The following BCAS3 variants were observed in gnomAD, a reference collection of about 807,000 sequenced individuals.
BCAS3 encodes BCAS4/BCAS3 fusion.
A neutral mutation model predicts 116.1 loss-of-function variants in BCAS3; 53 were observed. The observed-to-expected ratio is 0.46, with a 90% CI of 0.37 to 0.57. BCAS3 has a LOEUF of 0.57. BCAS3 is among the 20% of genes least tolerant of loss of function. The pLI is 0.00. For synonymous variants in BCAS3, 391 were observed against 408.2 expected, an observed-to-expected ratio of 0.96 and a Z score of 0.51; for missense variants, 917 against 1,165.4, an observed-to-expected ratio of 0.79 and a Z score of 3.10.
intron 14 of BCAS3, among the ~76,000 whole-genome samples, chr17:60,986,039 G>A (rs2145417223): frequency 6.6e-6 from 1 of 152,268 alleles, no homozygotes; most frequent in East Asian, 1.9e-4. Flanking sequence ...GCCTGGCCAA[G>A]TTCCTTGTTT....
chr17:61,246,591 C>T (rs916496956), intron 22 of BCAS3, among the ~76,000 whole-genome samples: 1 of 150,684 alleles, frequency 6.6e-6, no homozygotes, highest in African/African-American at 2.4e-5. Flanking sequence ...TAGGTGTAGG[C>T]TAGGGGTGGC....
intron 22 of BCAS3, among the ~76,000 whole-genome samples, chr17:61,218,033 A>G (rs770750135): frequency 6.6e-6 from 1 of 152,184 alleles, no homozygotes; most frequent in Non-Finnish European, 1.5e-5. Context: ...CAGTATTGCT[A>G]TGTTTACCAT....
chr17:61,074,920 T>C lies in BCAS3; in HGVS notation c.2030T>C (p.Leu677Pro), dbSNP rs778662714. 2 of 1,607,118 alleles carry C rather than the reference T, an allele frequency of 1.2e-6. No homozygotes were observed. Among genetic ancestry groups the C allele is most frequent in the Non-Finnish European group, 1.7e-6 (2 of 1,174,460 alleles). ...VQYYQFLLAG[L>P]VPPGSPGPIT... ...TAAATCTATTTTCTTTCTCCTATAG[T>C]GGTTCCCCCTGGAAGTCCTGGGCCC... The change falls in exon 20 of 24, where the codon CTG becomes CCG. Residue 677 changes from leucine (L) to proline (P), a missense_variant and splice_region_variant. Leu to Pro is a moderately conservative substitution (Grantham distance 98, BLOSUM62 -3). Around this residue, in one of 3 missense-constraint regions of BCAS3, gnomAD observed 807 missense variants for 1,026.0 expected, o/e 0.79. Transcript: ENST00000407086.
In BCAS3 at chr17:61,347,989, G is replaced by A. The variant is rs1042610799; in HGVS notation, c.2426-20338G>A. ...AATCCTGAGGGCAGATGAGTAAAAT[G>A]TTCAGATTCACATTGTAGAAAAGGT... On this transcript the variant is annotated intron_variant, in intron 22 of 23. Transcript: ENST00000407086. The surrounding 1 kb of genome is among the most constrained non-coding windows in gnomAD (Gnocchi z 4.3). 6.6e-6 allele frequency among the ~76,000 whole-genome samples: 1 copy of A among 152,210 alleles called. No homozygotes were observed. The highest frequency in any genetic ancestry group is 1.5e-5 in the Non-Finnish European group (1 of 68,038).
intron 4 of BCAS3, among the ~76,000 whole-genome samples, chr17:60,699,306 C>T (rs2036071419): frequency 6.6e-6 from 1 of 152,136 alleles, no homozygotes; most frequent in Non-Finnish European, 1.5e-5. Flanking sequence ...CATCCGCCTC[C>T]TGGGTTCAAG....
chr17:61,119,947 C>G (rs775918997), intron 22 of BCAS3, among the ~76,000 whole-genome samples: 19 of 151,750 alleles, frequency 1.3e-4, no homozygotes, highest in Non-Finnish European at 1.9e-4. Flanking sequence ...GATATAGAAC[C>G]TATGTAAAGA....
intron 10 of BCAS3, among the ~76,000 whole-genome samples, chr17:60,902,341 A>C (rs1192523367): frequency 6.6e-6 from 1 of 152,238 alleles, no homozygotes; most frequent in African/African-American, 2.4e-5. Flanking sequence ...ACCAGACCCC[A>C]ATCCTACCAT....
intron 22 of BCAS3, among the ~76,000 whole-genome samples, chr17:61,252,256 C>G (rs186667981): frequency 6.6e-6 from 1 of 152,088 alleles, no homozygotes; most frequent in African/African-American, 2.4e-5. Flanking sequence ...TTTTTAAGAG[C>G]GCTTGTAAAG....
At position 61,388,678 on chromosome 17, in the gene BCAS3, G is replaced by A. The variant is rs866494607; in HGVS notation, c.2594-3299G>A. ...CCCAGCGTCCGTGAGCAACCCAACA[G>A]TAACAAAGCATGCGTTCGGGATGGA... On this transcript the variant is annotated intron_variant, in intron 23 of 23. Transcript: ENST00000407086. The surrounding 1 kb of genome is among the most constrained non-coding windows in gnomAD (Gnocchi z 6.5). The A allele has an allele frequency of 6.5e-6, 10 of 1,550,210 alleles. No homozygotes were observed. The African/African-American group carries it at 1.1e-4, about 17-fold the overall frequency.
chr17:61,198,050 A>G lies in BCAS3; in HGVS notation c.2425+113486A>G, dbSNP rs1216514110. ...GGGGCAAGAAAAGTAGGTCATCTTC[A>G]TGTTTATATCCACTGAGTCTGGCAC... is the stretch of plus-strand genomic sequence containing the variant. On this transcript the variant is annotated intron_variant, in intron 22 of 23. Transcript: ENST00000407086. This position sits in a 1 kb window ranked among gnomAD's most constrained non-coding sequence, Gnocchi z 5.0. Among the ~76,000 whole-genome samples the G allele has an allele frequency of 6.6e-6, 1 of 152,052 alleles. No individual in the cohort carries two copies. The highest frequency in any genetic ancestry group is 1.9e-4 in the East Asian group (1 of 5,196).
chr17:60,767,058 C>T (rs904383729), intron 6 of BCAS3, among the ~76,000 whole-genome samples: 2 of 152,152 alleles, frequency 1.3e-5, no homozygotes, highest in Admixed American at 6.5e-5. Context: ...GTTGGAAAAG[C>T]GCAGTGTTTA....
rs1048224316 is a variant in BCAS3 at position 61,227,957 on chromosome 17, A to C, written c.2426-140370A>C. On this transcript the variant is annotated intron_variant, in intron 22 of 23. Transcript: ENST00000407086. This position sits in a 1 kb window ranked among gnomAD's most constrained non-coding sequence, Gnocchi z 6.1. ...TGAACCCTCAGGGAAATAAAGTGCA[A>C]AGGCTTAGCCACAGGTGTAGCCATA... Among the ~76,000 whole-genome samples, 1 of 152,148 alleles carries C rather than the reference A, an allele frequency of 6.6e-6. No individual in the cohort carries two copies. The highest frequency in any genetic ancestry group is 6.5e-5 in the Admixed American group (1 of 15,278).
At chr17:61,351,117 G>C (rs1429386561) in intron 22 of BCAS3, among the ~76,000 whole-genome samples, 1 of 152,214 alleles carries the variant, frequency 6.6e-6, no homozygotes, top group Non-Finnish European at 1.5e-5. Flanking sequence ...TTGGGCACCT[G>C]TTATGTGGCA....
In BCAS3 at chr17:61,126,245, G is replaced by T. The variant is rs2143837526; in HGVS notation, c.2425+41681G>T. ...TTCATTAGAATTGTGTGTGCGTTGT[G>T]GCATGTGGGTACATCAGAAGTATAT... On this transcript the variant is annotated intron_variant, in intron 22 of 23. Coordinates refer to ENST00000407086, the MANE Select transcript of BCAS3 (RefSeq NM_017679.5). The surrounding 1 kb of genome is among the most constrained non-coding windows in gnomAD (Gnocchi z 4.6). Among the ~76,000 whole-genome samples the T allele has an allele frequency of 6.6e-6, 1 of 152,166 alleles. No individual in the cohort carries two copies. Among genetic ancestry groups the T allele is most frequent in the South Asian group, 2.1e-4 (1 of 4,826 alleles).
At chr17:60,710,778 T>C (rs1283032972) in intron 5 of BCAS3, among the ~76,000 whole-genome samples, 2 of 151,554 alleles carry the variant, frequency 1.3e-5, no homozygotes, top group African/African-American at 4.9e-5. Flanking sequence ...AAGTCACTTC[T>C]GATGAAGTTT....
intron 7 of BCAS3, among the ~76,000 whole-genome samples, chr17:60,847,852 CTGATT>C (rs1399454874): frequency 6.6e-6 from 1 of 151,060 alleles, no homozygotes; most frequent in Non-Finnish European, 1.5e-5. Context: ...TTGATGTAAT[CTGATT>C]TATCTGTTCA....
intron 6 of BCAS3, among the ~76,000 whole-genome samples, chr17:60,753,383 T>TTTTA (rs35459382): frequency 0.56 from 76,332 of 135,416 alleles, 22,941 homozygotes; most frequent in East Asian, 0.71. Flanking sequence ...TTGTCTCTTA[T>TTTTA]TTTATTTATT....
At chr17:61,172,913 G>A (rs1236397204) in intron 22 of BCAS3, among the ~76,000 whole-genome samples, 5 of 144,968 alleles carry the variant, frequency 3.4e-5, no homozygotes, top group South Asian at 4.5e-4. Context: ...GCGTGAACCC[G>A]GGAGGCGGAG....
rs2057973484 is a variant in BCAS3 at position 60,902,673 on chromosome 17, T to C, written c.792T>C (p.Ser264=). ...GAGCCTGTGGAGACAACATTCAGTC[T>C]TATACTGCCACAGTCATTAGTGCTG... ...RGGACGDNIQ[S]YTATVISAAK... is the part of the protein sequence containing the mutation. Residue 264 remains serine, a synonymous_variant, in exon 11 of 24, where the codon TCT becomes TCC. Coordinates refer to ENST00000407086, the MANE Select transcript of BCAS3 (RefSeq NM_017679.5). 2 of 1,612,522 alleles carry C rather than the reference T, an allele frequency of 1.2e-6. No homozygotes were observed. Among genetic ancestry groups the C allele is most frequent in the African/African-American group, 2.7e-5 (2 of 74,904 alleles).
Sources: allele counts gnomAD v4.1 joint callset (sites outside exome capture counted in the v4.1 genomes callset), GRCh38; gene constraint gnomAD v4.1.1; regional missense constraint gnomAD v4.1.1; non-coding constraint Gnocchi (gnomAD v3.1); transcripts MANE v1.5; gene names NCBI Gene and HGNC (gene_info 2026-07-23, HGNC 2026-07-21).